The following MROH1 variants were observed in gnomAD, a reference collection of about 807,000 sequenced individuals.
MROH1 encodes maestro heat like repeat family member 1.
A neutral mutation model predicts 116.5 loss-of-function variants in MROH1; 117 were observed. The ratio of observed to expected loss-of-function variants is 1.00; its 90% CI spans 0.86 to 1.17. The LOEUF (loss-of-function observed/expected upper bound fraction) is 1.17. Ranked by LOEUF, MROH1 falls within the 50% of genes most tolerant of loss-of-function variation. MROH1 has a pLI of 0.00. For synonymous variants in MROH1, 921 were observed against 583.9 expected (o/e 1.58, Z -8.32); for missense variants, 1,873 against 1,338.5 (o/e 1.40, Z -6.23).
At chr8:144,228,110 C>CTCAAGCA (rs1838154076) in intron 14 of MROH1, among the ~76,000 whole-genome samples, 1 of 151,850 alleles carries the variant, frequency 6.6e-6, no homozygotes, top group Non-Finnish European at 1.5e-5. Flanking sequence ...TGGCATATGC[C>CTCAAGCA]GGTGGTCCCA....
intron 1 of MROH1, among the ~76,000 whole-genome samples, chr8:144,149,201 T>G (rs1816147186): frequency 6.6e-6 from 1 of 152,126 alleles, no homozygotes; most frequent in Non-Finnish European, 1.5e-5. Context: ...GTTTGTGACG[T>G]GGCTGCATGG....
At chr8:144,234,087 G>A (rs1554823742) in intron 14 of MROH1, among the ~76,000 whole-genome samples, 1 of 152,136 alleles carries the variant, frequency 6.6e-6, no homozygotes, top group Non-Finnish European at 1.5e-5. Flanking sequence ...TCGGCTCACT[G>A]CAAGCTCTGC....
At chr8:144,233,361 T>C (rs1839321196) in intron 14 of MROH1, among the ~76,000 whole-genome samples, 1 of 141,238 alleles carries the variant, frequency 7.1e-6, no homozygotes, top group Admixed American at 7.1e-5. Flanking sequence ...CCATCAACCT[T>C]CCCTCCCCCG....
rs186572374 is a variant in MROH1, at chr8:144,215,729, C to T, written c.1142-4871C>T. Among the ~76,000 whole-genome samples the T allele has an allele frequency of 1.2e-4, 18 of 151,742 alleles. No individual in the cohort carries two copies. In the East Asian group the frequency reaches 1.4e-3, roughly 12 times the overall value. ...TACTAAAAATACAATGAAAATTAGC[C>T]GGGCGTGGTGGCGGGCACCTGTAGT... On this transcript the variant is annotated intron_variant, in intron 12 of 43. Transcript: ENST00000326134.
chr8:144,261,079 C>T (rs1434453788), intron 41 of MROH1, 35 bp from the exon 42 acceptor site: 17 of 562,704 alleles, frequency 3.0e-5, no homozygotes, highest in South Asian at 1.4e-4. Context: ...GTGGGTGGGG[C>T]GGGGCCAGGC....
chr8:144,230,584 CA>C (rs1406159012), intron 14 of MROH1, among the ~76,000 whole-genome samples: 4 of 149,210 alleles, frequency 2.7e-5, no homozygotes, highest in Non-Finnish European at 5.9e-5. Flanking sequence ...CATCATTGTT[CA>C]TCTTGGCTTA....
intron 1 of MROH1, among the ~76,000 whole-genome samples, chr8:144,151,091 T>G (rs2130446555): frequency 6.6e-6 from 1 of 151,352 alleles, no homozygotes; most frequent in East Asian, 1.9e-4. Flanking sequence ...CCACTAAAAA[T>G]ACAAAAATTC....
intron 37 of MROH1, among the ~76,000 whole-genome samples, 180 bp from the exon 38 acceptor site, chr8:144,259,731 G>C (rs1475087043): frequency 1.1e-4 from 17 of 152,370 alleles, no homozygotes; most frequent in African/African-American, 2.2e-4. Flanking sequence ...GCGGGCGTCA[G>C]AGCAGGCCCC....
At chr8:144,184,624 G>A (rs1315768714) in intron 7 of MROH1, among the ~76,000 whole-genome samples, 2 of 152,180 alleles carry the variant, frequency 1.3e-5, no homozygotes, top group Non-Finnish European at 2.9e-5. Flanking sequence ...TGTGGCAGCC[G>A]GTTGCAGACA....
In MROH1 at chr8:144,261,641, T is replaced by G. The variant is rs1387983125; in HGVS notation, c.4841-14T>G. 1.4e-6 allele frequency: 1 copy of G among 709,624 alleles called. No individual in the cohort carries two copies. The highest frequency in any genetic ancestry group is 2.6e-6 in the Non-Finnish European group (1 of 389,686). 44.0% of individuals were successfully genotyped at this position (709,624 alleles called of 1,614,324 possible). A position where few individuals can be genotyped will look rare whatever the true frequency, so the allele number is the denominator to read the frequency against. ...GGTCACAGCCCGCAGGCAGCCCCCC[T>G]CCTCTACCCCCAGCGCTCCAGATCC... On this transcript the variant is annotated splice_polypyrimidine_tract_variant and intron_variant, in intron 43 of 43. Coordinates refer to ENST00000326134, the MANE Select transcript of MROH1 (RefSeq NM_032450.3).
chr8:144,176,117 C>T (rs572803678), intron 4 of MROH1, among the ~76,000 whole-genome samples: 50 of 152,120 alleles, frequency 3.3e-4, no homozygotes, highest in African/African-American at 1.1e-3. Context: ...AATCCCAAAA[C>T]TTTGGGAGGC....
intron 7 of MROH1, among the ~76,000 whole-genome samples, chr8:144,185,964 C>T (rs936434933): frequency 5.3e-5 from 8 of 151,896 alleles, no homozygotes; most frequent in Non-Finnish European, 1.0e-4. Flanking sequence ...CCGAGGGGAC[C>T]GCGTGCCCAG....
At position 144,247,596 on chromosome 8, in the gene MROH1, G is replaced by A. The variant is rs1842118545; in HGVS notation, c.3037G>A (p.Ala1013Thr). ...CTCCCGGGACTACCGCGATGACGTG[G>A]CGGAGCGGCTCCTCAGCCTCAAGGA... ...GFSRDYRDDV[A>T]ERLLSLKDGL... Residue 1013 changes from alanine (A) to threonine (T), a missense_variant, in exon 31 of 44, where the codon GCG becomes ACG. Ala to Thr is a moderately conservative substitution (Grantham distance 58). Coordinates refer to ENST00000326134, the MANE Select transcript of MROH1 (RefSeq NM_032450.3). 7 of 773,476 alleles carry A rather than the reference G, an allele frequency of 9.1e-6. No homozygotes were observed. The highest frequency in any genetic ancestry group is 1.7e-5 in the Non-Finnish European group (7 of 417,236). The allele number at this position is 773,476 out of a possible 1,614,324, so 47.9% of individuals were successfully genotyped here. A position where few individuals can be genotyped will look rare whatever the true frequency, so the allele number is the denominator to read the frequency against.
At chr8:144,224,999 A>C (rs6558326) in intron 14 of MROH1, among the ~76,000 whole-genome samples, 67,014 of 151,584 alleles carry the variant, frequency 0.44, 15,042 homozygotes, top group South Asian at 0.51. Flanking sequence ...CTATATTACC[A>C]CACCTAACTT....
chr8:144,205,517 GACAC>G (rs10695749), intron 12 of MROH1, among the ~76,000 whole-genome samples: 10 of 148,594 alleles, frequency 6.7e-5, no homozygotes, highest in African/African-American at 1.7e-4. Context: ...CATATATATA[GACAC>G]ACACACACAC....
intron 1 of MROH1, among the ~76,000 whole-genome samples, chr8:144,151,898 C>T (rs1393279618): frequency 4.6e-5 from 7 of 152,226 alleles, no homozygotes; most frequent in Admixed American, 6.5e-5. Context: ...GCACTGCCGT[C>T]GGCTCTGGAA....
chr8:144,250,794 C>A, intron 33 of MROH1: 3 of 351,480 alleles, frequency 8.5e-6, no homozygotes, highest in South Asian at 6.7e-5. Flanking sequence ...CTGGGAACTG[C>A]CTGATCTGAG....
intron 12 of MROH1, among the ~76,000 whole-genome samples, chr8:144,216,186 A>T (rs1261491947): frequency 6.6e-6 from 1 of 151,252 alleles, no homozygotes; most frequent in Non-Finnish European, 1.5e-5. Context: ...TCTCAAAAAA[A>T]ACAAAGAGCC....
chr8:144,172,197 C>T (rs6558311), intron 4 of MROH1, among the ~76,000 whole-genome samples: 147,907 of 152,254 alleles, frequency 0.97, 71,974 homozygotes, highest in South Asian at 1. Flanking sequence ...AATCTCCTTC[C>T]GTTTCCAGGT....
Sources: allele counts gnomAD v4.1 joint callset (sites outside exome capture counted in the v4.1 genomes callset), GRCh38; gene constraint gnomAD v4.1.1; transcripts MANE v1.5; gene names NCBI Gene and HGNC (gene_info 2026-07-23, HGNC 2026-07-21).